The following GUK1 variants were observed in gnomAD, a reference collection of about 807,000 sequenced individuals.
The protein encoded by GUK1 is guanylate kinase 1.
In GUK1, 18 loss-of-function variants were observed where a neutral mutation model predicts 25.2. That is an observed-to-expected ratio of 0.71 (90% CI 0.49 to 1.06). GUK1 has a LOEUF of 1.06. Ranked by LOEUF, GUK1 falls within the 50% of genes least tolerant of loss-of-function variation. The pLI, the probability that GUK1 is intolerant of heterozygous loss-of-function variation, is 0.00. For synonymous variants in GUK1, 105 were observed against 117.6 expected (o/e 0.89, Z 0.69); for missense variants, 261 against 276.7 (o/e 0.94, Z 0.40).
intron 2 of GUK1, chr1:228,141,855 C>T: frequency 1.8e-6 from 2 of 1,093,984 alleles, no homozygotes; most frequent in Non-Finnish European, 2.3e-6. Flanking sequence ...GGTTGTGTGG[C>T]TTCTTGCCAG....
rs1417284365 is a variant in GUK1 at position 228,141,284 on chromosome 1, A to T, written c.-7A>T. ...GGCTCTGGAAGAGCCCGATTTCCTCAGGAGGTAAAGGAATGTTCCTGTCCC... is the reference window on the plus strand; with the variant it reads ...GGCTCTGGAAGAGCCCGATTTCCTCTGGAGGTAAAGGAATGTTCCTGTCCC... On this transcript the variant is annotated 5_prime_UTR_variant, in exon 2 of 9. Coordinates refer to ENST00000312726, the MANE Select transcript of GUK1 (RefSeq NM_000858.7). 1.0e-6 allele frequency: 1 copy of T among 981,294 alleles called. No individual in the cohort carries two copies. Among genetic ancestry groups the T allele is most frequent in the African/African-American group, 1.7e-5 (1 of 57,150 alleles). 60.8% of individuals were successfully genotyped at this position (981,294 alleles called of 1,614,324 possible).
At chr1:228,141,665 C>T (rs761608790) in intron 2 of GUK1, 3 of 1,239,550 alleles carry the variant, frequency 2.4e-6, no homozygotes, top group Non-Finnish European at 3.1e-6. Flanking sequence ...GAGATTATGC[C>T]GCCACAGCAG....
intron 2 of GUK1, among the ~76,000 whole-genome samples, chr1:228,143,332 G>A (rs983044965): frequency 6.6e-6 from 1 of 152,178 alleles, no homozygotes; most frequent in Non-Finnish European, 1.5e-5. Context: ...GCTCACATGG[G>A]GTCCAGCCCA....
Position 228,148,722 on chromosome 1 carries a change from C to G in GUK1, c.*25C>G. The G allele has an allele frequency of 6.2e-7, 1 of 1,609,546 alleles. No homozygotes were observed. Among genetic ancestry groups the G allele is most frequent in the Non-Finnish European group, 8.5e-7 (1 of 1,179,326 alleles). ...AGGCTTGCTGTCTGTTCTCGGCACC[C>G]CGGGCCCATACAGGACCAGGGCAGC... On this transcript the variant is annotated 3_prime_UTR_variant, in exon 9 of 9. Coordinates refer to ENST00000312726, the MANE Select transcript of GUK1 (RefSeq NM_000858.7).
chr1:228,147,398 C>A lies in GUK1; in HGVS notation c.252-8C>A, dbSNP rs375124006. The A allele has an allele frequency of 1.4e-5, 22 of 1,608,002 alleles. No homozygotes were observed. In the African/African-American group the frequency reaches 2.4e-4, roughly 18 times the overall value. On this transcript the variant is annotated splice_polypyrimidine_tract_variant and splice_region_variant and intron_variant, in intron 5 of 8. Coordinates refer to ENST00000312726, the MANE Select transcript of GUK1 (RefSeq NM_000858.7). ...TGGCACCCCTGCTGACCTGGCACCT[C>A]TCCCCAGCAAGGTGGCGGTGCAGGC...
intron 2 of GUK1, chr1:228,145,270 G>A (rs946496631): frequency 2.6e-5 from 9 of 345,300 alleles, no homozygotes; most frequent in East Asian, 2.1e-4. Context: ...CAGTAAAGCC[G>A]GCCTTCCATT....
rs112503501 is a variant in GUK1 at position 228,141,175 on chromosome 1, C to T, written c.-116C>T. Reference sequence around the variant, plus strand: ...GCTGTCGAGGACCCTGTGCAAGACTCGGCCGGTTTTTCTTTCTCCCTGATG... The same window carrying T: ...GCTGTCGAGGACCCTGTGCAAGACTTGGCCGGTTTTTCTTTCTCCCTGATG... On this transcript the variant is annotated 5_prime_UTR_variant, in exon 2 of 9. Coordinates refer to ENST00000312726, the MANE Select transcript of GUK1 (RefSeq NM_000858.7). The T allele has an allele frequency of 1.2e-4, 121 of 985,136 alleles. No individual in the cohort carries two copies. Among genetic ancestry groups the T allele is most frequent in the Admixed American group, 6.8e-4 (11 of 16,264 alleles). The allele number at this position is 985,136 out of a possible 1,614,324, so 61.0% of individuals were successfully genotyped here.
At position 228,147,007 on chromosome 1, in the gene GUK1, G is replaced by A. The variant is rs1239000242; in HGVS notation, c.251+69G>A. 5.8e-6 allele frequency: 6 copies of A among 1,031,336 alleles called. No individual in the cohort carries two copies. The East Asian group carries it at 7.1e-5, about 12-fold the overall frequency. 63.9% of individuals were successfully genotyped at this position (1,031,336 alleles called of 1,614,324 possible). On this transcript the variant is annotated intron_variant, in intron 5 of 8. Coordinates refer to ENST00000312726, the MANE Select transcript of GUK1 (RefSeq NM_000858.7). ...GGCAACAGGGATCCAGGTAGTGCCT[G>A]CTGCCTGCCCGCCATCCACACCACC...
chr1:228,148,426 C>G lies in GUK1; in HGVS notation c.531C>G (p.Ala177=). 1.9e-6 allele frequency: 3 copies of G among 1,571,260 alleles called. No homozygotes were observed. The highest frequency in any genetic ancestry group is 2.6e-6 in the Non-Finnish European group (3 of 1,155,916). ...TCATTAACGACAGCCTGGACCAGGCCTACGCAGAGCTGAAGGAGGCGCTCT... is the reference window on the plus strand; with the variant it reads ...TCATTAACGACAGCCTGGACCAGGCGTACGCAGAGCTGAAGGAGGCGCTCT... Residue 177 remains alanine, a synonymous_variant, in exon 8 of 9, where the codon GCC becomes GCG. Coordinates refer to ENST00000312726, the MANE Select transcript of GUK1 (RefSeq NM_000858.7).
chr1:228,145,715 C>G, intron 3 of GUK1, 91 bp downstream of exon 2: 2 of 1,442,874 alleles, frequency 1.4e-6, no homozygotes, highest in Non-Finnish European at 1.9e-6. Flanking sequence ...CCAAACCCAA[C>G]AGGCACACCC....
chr1:228,147,989 C>T (rs2034490029), intron 7 of GUK1: 3 of 583,892 alleles, frequency 5.1e-6, no homozygotes, highest in Non-Finnish European at 9.1e-6. Flanking sequence ...GAGATGTCCC[C>T]AACCTTCTAG....
intron 2 of GUK1, chr1:228,144,608 A>G (rs546727559): frequency 5.9e-4 from 279 of 471,438 alleles, no homozygotes; most frequent in Non-Finnish European, 7.4e-4. Context: ...GCCCAGGGCC[A>G]GGCCCCCTGG....
intron 7 of GUK1, 48 bp downstream of exon 6, chr1:228,147,747 G>T (rs776104394): frequency 8.4e-6 from 13 of 1,552,680 alleles, no homozygotes; most frequent in Middle Eastern, 3.4e-4. Context: ...GGGAGTCAGG[G>T]TTCTGAGGTC....
At position 228,148,677 on chromosome 1, in the gene GUK1, G is replaced by A. The variant is rs757880016; in HGVS notation, c.574G>A (p.Ala192Thr). The A allele has an allele frequency of 1.4e-5, 23 of 1,593,940 alleles. No homozygotes were observed. In the African/African-American group the frequency reaches 2.5e-4, roughly 18 times the overall value. Residue 192 changes from alanine (A) to threonine (T), a missense_variant, in exon 9 of 9, where the codon GCT (alanine) becomes ACT (threonine). Ala to Thr is a moderately conservative substitution (Grantham distance 58, BLOSUM62 0). Coordinates refer to ENST00000312726, the MANE Select transcript of GUK1 (RefSeq NM_000858.7). ...TCCTCACTGGCAGGAAATCAAGAAAGCTCAAAGGACCGGCGCCTGAGGCTT... is the reference window on the plus strand; with the variant it reads ...TCCTCACTGGCAGGAAATCAAGAAAACTCAAAGGACCGGCGCCTGAGGCTT...
intron 1 of GUK1, among the ~76,000 whole-genome samples, chr1:228,140,916 C>T (rs972580466): frequency 2.0e-5 from 3 of 152,240 alleles, no homozygotes; most frequent in Non-Finnish European, 4.4e-5. Flanking sequence ...GGTTGGGGTT[C>T]TTGAAGCTGC....
chr1:228,147,433 C>A lies in GUK1; in HGVS notation c.279C>A (p.Ala93=). 1 of 1,612,572 alleles carries A rather than the reference C, an allele frequency of 6.2e-7. No homozygotes were observed. The highest frequency in any genetic ancestry group is 8.5e-7 in the Non-Finnish European group (1 of 1,179,896). The stretch of plus-strand genomic sequence containing the variant: ...AGGTGGCGGTGCAGGCCGTGCAGGC[C>A]ATGAACCGCATCTGTGTGCTGGACG... The change falls in exon 6 of 9, where the codon GCC becomes GCA. Residue 93 remains alanine (A), a synonymous_variant. Coordinates refer to ENST00000312726, the MANE Select transcript of GUK1 (RefSeq NM_000858.7).
chr1:228,140,527 C>T (rs1571878273), intron 1 of GUK1, among the ~76,000 whole-genome samples, 164 bp downstream of exon 1: 1 of 152,210 alleles, frequency 6.6e-6, no homozygotes, highest in African/African-American at 2.4e-5. Context: ...CTCTGGAGGG[C>T]GGACGGGCTG....
At chr1:228,142,320 A>G (rs564254533) in intron 2 of GUK1, among the ~76,000 whole-genome samples, 43 of 151,678 alleles carry the variant, frequency 2.8e-4, no homozygotes, top group East Asian at 5.9e-4. Flanking sequence ...GTTCTTGGCA[A>G]TTGGTGTGTC....
chr1:228,145,815 C>T, intron 3 of GUK1, 191 bp downstream of exon 2: 2 of 737,576 alleles, frequency 2.7e-6, no homozygotes, highest in East Asian at 2.7e-5. Flanking sequence ...CCTGTGTCTC[C>T]CTTCCCTGGG....
Sources: allele counts gnomAD v4.1 joint callset (sites outside exome capture counted in the v4.1 genomes callset), GRCh38; gene constraint gnomAD v4.1.1; transcripts MANE v1.5; gene names NCBI Gene and HGNC (gene_info 2026-07-23, HGNC 2026-07-21).